The following FAM184B variants were observed in gnomAD, a reference collection of about 807,000 sequenced individuals.
FAM184B encodes the protein protein FAM184B.
A neutral mutation model predicts 135.9 loss-of-function variants in FAM184B; 111 were observed. The observed-to-expected ratio is 0.82, with a 90% CI of 0.70 to 0.96. The LOEUF (loss-of-function observed/expected upper bound fraction) is 0.96, where lower values mean the gene tolerates loss of function less well. Ranked by LOEUF, FAM184B falls within the 40% of genes least tolerant of loss-of-function variation. FAM184B has a pLI of 0.00. For missense variants in FAM184B, 1,375 were observed against 1,323.9 expected (o/e 1.04, Z -0.60); for synonymous variants, 552 against 524.8 (o/e 1.05, Z -0.71).
At chr4:17,661,521 C>A (rs1269888982) in intron 8 of FAM184B, among the ~76,000 whole-genome samples, 1 of 152,210 alleles carries the variant, frequency 6.6e-6, no homozygotes, top group Non-Finnish European at 1.5e-5. Flanking sequence ...CTATTGCACT[C>A]CAGCCTGGGC....
chr4:17,747,920 C>CAAAAAAAAA (rs71167333), intron 1 of FAM184B, among the ~76,000 whole-genome samples: 1 of 21,704 alleles, frequency 4.6e-5, no homozygotes, highest in Non-Finnish European at 7.6e-5. Flanking sequence ...GACTCTGTCT[C>CAAAAAAAAA]AAAAAAAAAA....
chr4:17,768,205 A>C (rs1718740281), intron 1 of FAM184B, among the ~76,000 whole-genome samples: 1 of 152,236 alleles, frequency 6.6e-6, no homozygotes, highest in Admixed American at 6.5e-5. Flanking sequence ...TGTAAAGATC[A>C]TCTTTGACTT....
intron 7 of FAM184B, among the ~76,000 whole-genome samples, chr4:17,681,244 G>T (rs1188308609): frequency 6.6e-6 from 1 of 152,202 alleles, no homozygotes; most frequent in African/African-American, 2.4e-5. Flanking sequence ...GTGGTTTGTG[G>T]ACTGTGTGAA....
intron 1 of FAM184B, among the ~76,000 whole-genome samples, chr4:17,727,769 G>A (rs1717676126): frequency 6.6e-6 from 1 of 152,108 alleles, no homozygotes; most frequent in Non-Finnish European, 1.5e-5. Flanking sequence ...GACATATGGG[G>A]ATTACAATTC....
rs71167316 is a variant in FAM184B, at chr4:17,641,461, C to CTTTTTTTTTTTTTTTTTT, written c.2519+577_2519+594dup. On this transcript the variant is annotated intron_variant, in intron 13 of 17. Transcript: ENST00000265018. ...TGCAGGGAAACAAACAGGACTCCCT[C>CTTTTTTTTTTTTTTTTTT]TTTTTTTTTTTTTTTTTTTTTTTTT... Among the ~76,000 whole-genome samples, 14 of 45,700 alleles carry CTTTTTTTTTTTTTTTTTT rather than the reference C, an allele frequency of 3.1e-4. 2 individuals carry two copies. Among genetic ancestry groups the CTTTTTTTTTTTTTTTTTT allele is most frequent in the African/African-American group, 1.0e-3 (12 of 11,868 alleles). 30.0% of individuals were successfully genotyped at this position (45,700 alleles called of 152,430 possible).
At chr4:17,697,248 G>A (rs1452797941) in intron 5 of FAM184B, among the ~76,000 whole-genome samples, 2 of 152,110 alleles carry the variant, frequency 1.3e-5, no homozygotes, top group Non-Finnish European at 2.9e-5. Flanking sequence ...AAGGGATCAT[G>A]TTTGACTCCT....
At chr4:17,678,034 G>A (rs555151786) in intron 7 of FAM184B, among the ~76,000 whole-genome samples, 63 of 152,164 alleles carry the variant, frequency 4.1e-4, no homozygotes, top group Non-Finnish European at 8.2e-4. Context: ...TGTAATAAAA[G>A]CCATCTATGG....
At chr4:17,719,502 C>T (rs1166614218) in intron 1 of FAM184B, among the ~76,000 whole-genome samples, 1 of 152,154 alleles carries the variant, frequency 6.6e-6, no homozygotes, top group East Asian at 1.9e-4. Context: ...AAAAAAGGGA[C>T]TACTGTCTAG....
chr4:17,674,910 T>C (rs1716276347), intron 7 of FAM184B, among the ~76,000 whole-genome samples: 2 of 152,200 alleles, frequency 1.3e-5, no homozygotes, highest in Admixed American at 1.3e-4. Context: ...CTCTACATAG[T>C]TACTTCCTCA....
At chr4:17,749,144 T>C (rs1194614793) in intron 1 of FAM184B, among the ~76,000 whole-genome samples, 1 of 152,000 alleles carries the variant, frequency 6.6e-6, no homozygotes, top group African/African-American at 2.4e-5. Flanking sequence ...AAAATATCCT[T>C]ATTTCTTTTT....
chr4:17,688,312 A>G, intron 7 of FAM184B, 112 bp downstream of exon 7: 1 of 744,380 alleles, frequency 1.3e-6, no homozygotes. Flanking sequence ...GGCAGTGTCG[A>G]GGAGAGATGT....
chr4:17,723,081 A>G (rs1159587787), intron 1 of FAM184B, among the ~76,000 whole-genome samples: 5 of 152,180 alleles, frequency 3.3e-5, no homozygotes, highest in Admixed American at 1.3e-4. Context: ...ATAGACATGC[A>G]TATCCATTTT....
chr4:17,740,178 C>T (rs1162006302), intron 1 of FAM184B, among the ~76,000 whole-genome samples: 3 of 151,722 alleles, frequency 2.0e-5, no homozygotes, highest in African/African-American at 7.3e-5. Flanking sequence ...ATAGCAAAGC[C>T]GCGTCTCTAC....
At chr4:17,639,997 T>A (rs1429046986) in intron 13 of FAM184B, among the ~76,000 whole-genome samples, 1 of 151,588 alleles carries the variant, frequency 6.6e-6, no homozygotes, top group African/African-American at 2.4e-5. Context: ...CCCAGCCAAT[T>A]TTTTGTATTT....
chr4:17,636,778 TG>T (rs1715152757), intron 14 of FAM184B, 133 bp from the exon 15 acceptor site: 2 of 714,768 alleles, frequency 2.8e-6, no homozygotes, highest in South Asian at 3.7e-5. Context: ...AGCAGCGGCT[TG>T]CCCAGGGCCC....
intron 1 of FAM184B, among the ~76,000 whole-genome samples, chr4:17,761,847 T>C (rs978646211): frequency 2.0e-5 from 3 of 152,144 alleles, no homozygotes; most frequent in African/African-American, 7.2e-5. Flanking sequence ...TTTTCAGGCC[T>C]CAACCCACCT....
chr4:17,681,409 G>C (rs1038783343), intron 7 of FAM184B, among the ~76,000 whole-genome samples: 9 of 152,192 alleles, frequency 5.9e-5, no homozygotes, highest in African/African-American at 2.2e-4. Flanking sequence ...GTCTTCCCAG[G>C]CTCTACTGCA....
At chr4:17,644,832 A>T (rs935409959) in intron 12 of FAM184B, among the ~76,000 whole-genome samples, 7 of 152,174 alleles carry the variant, frequency 4.6e-5, no homozygotes, top group African/African-American at 1.2e-4. Flanking sequence ...TATCTAGAAA[A>T]CCCCATTGTC....
chr4:17,714,634 C>T (rs113923769), intron 1 of FAM184B, among the ~76,000 whole-genome samples: 146 of 152,168 alleles, frequency 9.6e-4, no homozygotes, highest in African/African-American at 3.2e-3. Flanking sequence ...TTAGAGGATT[C>T]AGTATATAGC....
Sources: allele counts gnomAD v4.1 joint callset (sites outside exome capture counted in the v4.1 genomes callset), GRCh38; gene constraint gnomAD v4.1.1; transcripts MANE v1.5; gene names NCBI Gene and HGNC (gene_info 2026-07-23, HGNC 2026-07-21).